Variants in RBFOX1 observed in about 807,000 individuals in gnomAD.
RBFOX1 encodes the protein RNA binding fox-1 homolog 1.
In RBFOX1, 8 loss-of-function variants were observed where a neutral mutation model predicts 57.7. That is an observed-to-expected ratio of 0.14 (90% CI 0.08 to 0.25). The LOEUF is 0.25. Among genes scored for constraint, RBFOX1 ranks in the 10% least tolerant of loss-of-function variants. The pLI, the probability that RBFOX1 is intolerant of heterozygous loss-of-function variation, is 1.00. For synonymous variants in RBFOX1, 326 were observed against 222.4 expected, an observed-to-expected ratio of 1.47 and a Z score of -4.15; for missense variants, 611 against 548.5, an observed-to-expected ratio of 1.11 and a Z score of -1.14.
chr16:5,632,379 C>T (rs1327449085), intron 3 of RBFOX1: 3 of 152,148 alleles, frequency 2.0e-5, no homozygotes, highest in African/African-American at 7.2e-5. Context: ...TATTTGACCC[C>T]CTTAAGATGG....
At chr16:6,199,034 G>T (rs1487186608) in intron 1 of RBFOX1, among the ~76,000 whole-genome samples, 1 of 151,632 alleles carries the variant, frequency 6.6e-6, no homozygotes, top group African/African-American at 2.4e-5. Context: ...TTTATGAAAA[G>T]CAAATAGGTC....
intron 3 of RBFOX1, among the ~76,000 whole-genome samples, chr16:5,727,136 A>G (rs181370875): frequency 2.6e-5 from 4 of 152,226 alleles, no homozygotes; most frequent in Admixed American, 1.3e-4. Flanking sequence ...GTGTTCTTTC[A>G]TGTGCCTGTA....
intron 3 of RBFOX1, among the ~76,000 whole-genome samples, chr16:6,966,502 G>T (rs1427862241): frequency 2.0e-5 from 3 of 152,246 alleles, no homozygotes; most frequent in South Asian, 2.1e-4. Context: ...TTATTAGGTG[G>T]CGAGAGGGGC....
At chr16:6,957,460 G>C (rs533799181) in intron 3 of RBFOX1, among the ~76,000 whole-genome samples, 6 of 152,266 alleles carry the variant, frequency 3.9e-5, no homozygotes, top group East Asian at 1.9e-4. Context: ...GCCTCCGCTT[G>C]TTAGACCATA....
chr16:6,960,746 C>T (rs969490392), intron 3 of RBFOX1, among the ~76,000 whole-genome samples: 11 of 151,966 alleles, frequency 7.2e-5, no homozygotes, highest in Non-Finnish European at 1.5e-4. Context: ...CAAGAGGGTA[C>T]AGAACTCAGA....
chr16:6,337,794 C>T (rs765268373), intron 2 of RBFOX1, among the ~76,000 whole-genome samples: 9 of 152,162 alleles, frequency 5.9e-5, no homozygotes, highest in Non-Finnish European at 8.8e-5. Flanking sequence ...AATTTTTCCA[C>T]GTTGAGACGA....
chr16:5,326,843 A>G (rs2151264017), intron 1 of RBFOX1, among the ~76,000 whole-genome samples: 1 of 152,322 alleles, frequency 6.6e-6, no homozygotes, highest in African/African-American at 2.4e-5. Flanking sequence ...AGACGTCCAA[A>G]TGATTGATAT....
intron 4 of RBFOX1, among the ~76,000 whole-genome samples, chr16:7,506,341 C>G (rs1018165375): frequency 1.3e-5 from 2 of 151,908 alleles, no homozygotes; most frequent in Non-Finnish European, 2.9e-5. Context: ...ATTTGGGTAC[C>G]TGGCACTAAC....
chr16:5,998,841 T>C (rs980253227), intron 4 of RBFOX1, among the ~76,000 whole-genome samples: 2 of 152,240 alleles, frequency 1.3e-5, no homozygotes, highest in South Asian at 2.1e-4. Context: ...ACGTGTCATA[T>C]TGCAGTCAGA....
intron 3 of RBFOX1, among the ~76,000 whole-genome samples, chr16:5,645,962 A>G (rs1362764779): frequency 6.6e-6 from 1 of 152,048 alleles, no homozygotes; most frequent in Non-Finnish European, 1.5e-5. Flanking sequence ...CAGGCTCCTG[A>G]GTGAGTAGGA....
chr16:6,636,338 T>A (rs2098433550), intron 2 of RBFOX1, among the ~76,000 whole-genome samples: 1 of 151,544 alleles, frequency 6.6e-6, no homozygotes, highest in Non-Finnish European at 1.5e-5. Context: ...ACACGGCTAA[T>A]TTTTTGTATT....
At chr16:6,895,552 G>T (rs1204686387) in intron 3 of RBFOX1, among the ~76,000 whole-genome samples, 4 of 148,320 alleles carry the variant, frequency 2.7e-5, no homozygotes, top group Non-Finnish European at 4.5e-5. Flanking sequence ...AGCTGCACAT[G>T]ATTGATGAGA....
At chr16:7,487,782 C>G (rs1163392060) in intron 4 of RBFOX1, among the ~76,000 whole-genome samples, 1 of 152,116 alleles carries the variant, frequency 6.6e-6, no homozygotes, top group African/African-American at 2.4e-5. Flanking sequence ...ACTTGGACAA[C>G]CTAAGAGCCT....
chr16:5,330,275 CCTT>C (rs1476248186), intron 1 of RBFOX1, among the ~76,000 whole-genome samples: 1 of 152,120 alleles, frequency 6.6e-6, no homozygotes, highest in East Asian at 1.9e-4. Context: ...ACCTTAGTCT[CCTT>C]CTTTTAACTG....
chr16:6,001,640 A>T (rs1193569694), intron 4 of RBFOX1, among the ~76,000 whole-genome samples: 1 of 152,238 alleles, frequency 6.6e-6, no homozygotes, highest in Non-Finnish European at 1.5e-5. Context: ...GTATTTGCTT[A>T]AATACATGGT....
At chr16:6,884,258 T>C (rs2063523060) in intron 3 of RBFOX1, among the ~76,000 whole-genome samples, 1 of 152,064 alleles carries the variant, frequency 6.6e-6, no homozygotes, top group South Asian at 2.1e-4. Context: ...TGGCAATAAG[T>C]ATGTGTCCAG....
intron 3 of RBFOX1, among the ~76,000 whole-genome samples, chr16:5,818,491 C>T (rs575594856): frequency 2.0e-5 from 3 of 152,278 alleles, no homozygotes; most frequent in African/African-American, 7.2e-5. Flanking sequence ...CAGCCATGTG[C>T]CAGATACTGT....
chr16:6,870,497 T>C (rs141336394), intron 3 of RBFOX1, among the ~76,000 whole-genome samples: 116 of 152,340 alleles, frequency 7.6e-4, no homozygotes, highest in African/African-American at 2.7e-3. Flanking sequence ...AAGAGCTTCA[T>C]GATATTATTT....
chr16:7,291,561 A>G (rs1041378168), intron 4 of RBFOX1, among the ~76,000 whole-genome samples: 2 of 152,198 alleles, frequency 1.3e-5, no homozygotes, highest in African/African-American at 2.4e-5. Context: ...AGCTTTCAAG[A>G]TTAAGTAAAT....
Sources: gnomAD v4.1 joint callset for allele counts (sites outside exome capture counted in the v4.1 genomes callset) on GRCh38, gnomAD v4.1.1 for gene constraint, MANE v1.5 for transcripts, NCBI Gene and HGNC (gene_info 2026-07-23, HGNC 2026-07-21) for gene names.